ACBD6: variants seen among roughly 807,000 people sequenced by gnomAD.
The protein encoded by ACBD6 is acyl-CoA binding domain containing 6.
ACBD6 carries 28 observed loss-of-function variants against 37.2 expected under a neutral mutation model. The ratio of observed to expected loss-of-function variants is 0.75; its 90% CI spans 0.56 to 1.03. The LOEUF is 1.03. Ranked by LOEUF, ACBD6 falls within the 50% of genes least tolerant of loss-of-function variation. The pLI is 0.00. For missense variants in ACBD6, 340 were observed against 337.4 expected, an observed-to-expected ratio of 1.01 and a Z score of -0.06; for synonymous variants, 113 against 126.8, an observed-to-expected ratio of 0.89 and a Z score of 0.73.
intron 3 of ACBD6, among the ~76,000 whole-genome samples, chr1:180,464,575 A>G (rs1650277616): frequency 6.6e-6 from 1 of 152,210 alleles, no homozygotes; most frequent in Non-Finnish European, 1.5e-5. Flanking sequence ...GCTCATGGAC[A>G]GGAAGAATCA....
intron 6 of ACBD6, among the ~76,000 whole-genome samples, chr1:180,348,217 C>T (rs567765782): frequency 2.0e-5 from 3 of 152,160 alleles, no homozygotes; most frequent in Admixed American, 2.0e-4. Context: ...TCCTTTTGGG[C>T]AAATTAAAAA....
chr1:180,444,723 T>A (rs200478416), intron 3 of ACBD6, among the ~76,000 whole-genome samples: 1 of 152,114 alleles, frequency 6.6e-6, no homozygotes, highest in Non-Finnish European at 1.5e-5. Flanking sequence ...AGCAATTAAA[T>A]AGAGTCCAAT....
chr1:180,429,300 C>T lies in ACBD6; in HGVS notation c.467+880G>A, dbSNP rs555491137. On this transcript the variant is annotated intron_variant, in intron 4 of 7. Coordinates refer to ENST00000367595, the MANE Select transcript of ACBD6 (RefSeq NM_032360.4). ...TTACTGTCTCTCTGATTTTTGAATC[C>T]TTTCTGTTTCTGTGAGTTTGACTAC... 2.0e-5 allele frequency among the ~76,000 whole-genome samples: 3 copies of T among 152,222 alleles called. No homozygotes were observed. In the East Asian group the frequency reaches 5.8e-4, roughly 29 times the overall value.
chr1:180,447,517 C>T (rs1417156600), intron 3 of ACBD6, among the ~76,000 whole-genome samples: 2 of 152,094 alleles, frequency 1.3e-5, no homozygotes, highest in Non-Finnish European at 2.9e-5. Flanking sequence ...TTCCAGCACA[C>T]TTTAAAACTA....
At chr1:180,369,202 C>A (rs904405173) in intron 6 of ACBD6, among the ~76,000 whole-genome samples, 4 of 152,162 alleles carry the variant, frequency 2.6e-5, no homozygotes, top group Admixed American at 2.6e-4. Context: ...GAGCAGCCTA[C>A]GCAGGGCTCC....
At chr1:180,424,163 C>T (rs1393078062) in intron 4 of ACBD6, among the ~76,000 whole-genome samples, 2 of 152,056 alleles carry the variant, frequency 1.3e-5, no homozygotes, top group Non-Finnish European at 2.9e-5. Flanking sequence ...TTAACAGCAG[C>T]GTTACTAACT....
chr1:180,390,412 A>G (rs971480416), intron 6 of ACBD6, among the ~76,000 whole-genome samples: 1 of 151,102 alleles, frequency 6.6e-6, no homozygotes, highest in Non-Finnish European at 1.5e-5. Flanking sequence ...GTAGCCTTGT[A>G]GTATAGTTTG....
At chr1:180,497,950 G>A (rs972098297) in intron 1 of ACBD6, among the ~76,000 whole-genome samples, 4 of 152,176 alleles carry the variant, frequency 2.6e-5, no homozygotes, top group Middle Eastern at 3.2e-3. Flanking sequence ...CAGTTGCAAC[G>A]AGGAATCTGA....
chr1:180,281,869 TTAAA>T (rs1000851637), intron 8 of ACBD6, among the ~76,000 whole-genome samples: 3 of 152,196 alleles, frequency 2.0e-5, no homozygotes, highest in African/African-American at 7.2e-5. Flanking sequence ...TCCGAAACTA[TTAAA>T]TAAAGGTCTT....
At chr1:180,436,074 A>G in intron 3 of ACBD6, 1 of 601,122 alleles carries the variant, frequency 1.7e-6, no homozygotes, top group South Asian at 2.0e-5. Context: ...CAGGTTAAAG[A>G]TGATTCAGCT....
chr1:180,453,924 C>T (rs933143412), intron 3 of ACBD6, among the ~76,000 whole-genome samples: 2 of 152,234 alleles, frequency 1.3e-5, no homozygotes, highest in Admixed American at 6.5e-5. Flanking sequence ...ATTCCATGCA[C>T]GTGGATAGGA....
intron 6 of ACBD6, among the ~76,000 whole-genome samples, chr1:180,355,715 A>G (rs1652599849): frequency 6.6e-6 from 1 of 152,118 alleles, no homozygotes; most frequent in Admixed American, 6.5e-5. Flanking sequence ...CTTCCTTAAT[A>G]ATTTATGTAG....
At position 180,379,782 on chromosome 1, in the gene ACBD6, T is replaced by C. The variant is rs144676538; in HGVS notation, c.663+17734A>G. 2.5e-4 allele frequency among the ~76,000 whole-genome samples: 38 copies of C among 152,102 alleles called. 1 individual carries two copies. The highest frequency in any genetic ancestry group is 6.2e-4 in the South Asian group (3 of 4,828). The stretch of plus-strand genomic sequence containing the variant: ...TATGGGCCACCATAAAATGACCAAA[T>C]AGGCAAAGTATTGGAACCCCAGAAG... On this transcript the variant is annotated intron_variant, in intron 6 of 7. Coordinates refer to ENST00000367595, the MANE Select transcript of ACBD6 (RefSeq NM_032360.4).
chr1:180,304,764 C>T (rs1450019846), intron 7 of ACBD6, among the ~76,000 whole-genome samples: 14 of 150,566 alleles, frequency 9.3e-5, no homozygotes, highest in Non-Finnish European at 1.3e-4. Context: ...TTAAAGTTCA[C>T]ATGGAACCAA....
At chr1:180,340,384 A>T (rs1651933303) in intron 6 of ACBD6, among the ~76,000 whole-genome samples, 1 of 152,090 alleles carries the variant, frequency 6.6e-6, no homozygotes, top group South Asian at 2.1e-4. Flanking sequence ...CACTGGATTT[A>T]GCAAAGTGGA....
intron 6 of ACBD6, among the ~76,000 whole-genome samples, chr1:180,325,984 A>G (rs985124728): frequency 6.6e-6 from 1 of 152,180 alleles, no homozygotes; most frequent in African/African-American, 2.4e-5. Flanking sequence ...GAGCCAGTAC[A>G]GCACTGGGTC....
At chr1:180,364,269 C>T (rs1652957953) in intron 6 of ACBD6, among the ~76,000 whole-genome samples, 1 of 152,190 alleles carries the variant, frequency 6.6e-6, no homozygotes, top group South Asian at 2.1e-4. Flanking sequence ...AGACACCTTG[C>T]CTTTGATGTC....
intron 6 of ACBD6, among the ~76,000 whole-genome samples, chr1:180,334,112 C>T (rs772925900): frequency 1.3e-5 from 2 of 152,218 alleles, no homozygotes; most frequent in Admixed American, 1.3e-4. Context: ...AAACAAAAGG[C>T]AGCAGAAACC....
At chr1:180,327,386 T>G (rs1335494058) in intron 6 of ACBD6, among the ~76,000 whole-genome samples, 1 of 152,202 alleles carries the variant, frequency 6.6e-6, no homozygotes, top group Non-Finnish European at 1.5e-5. Context: ...ACAGGGCTGC[T>G]GCGGGATTGA....
Sources: gnomAD v4.1 joint callset for allele counts (sites outside exome capture counted in the v4.1 genomes callset) on GRCh38, gnomAD v4.1.1 for gene constraint, MANE v1.5 for transcripts, NCBI Gene and HGNC (gene_info 2026-07-23, HGNC 2026-07-21) for gene names.